Variants in LMNTD1 observed in about 807,000 individuals in gnomAD.
LMNTD1 encodes the protein lamin tail domain-containing protein 1.
A neutral mutation model predicts 50.9 loss-of-function variants in LMNTD1; 35 were observed. The observed-to-expected ratio is 0.69, with a 90% confidence interval of 0.53 to 0.91. The LOEUF is 0.91. LMNTD1 is among the 40% of genes least tolerant of loss of function. The probability of loss-of-function intolerance (pLI) is 0.00; values close to 1 mark genes in which losing one functional copy is unlikely to be tolerated. For missense variants in LMNTD1, 470 were observed against 475.5 expected, an observed-to-expected ratio of 0.99 and a Z score of 0.11; for synonymous variants, 153 against 161.9, an observed-to-expected ratio of 0.94 and a Z score of 0.42.
chr12:25,584,858 GA>G (rs935958829), intron 1 of LMNTD1, among the ~76,000 whole-genome samples: 19 of 152,146 alleles, frequency 1.2e-4, no homozygotes, highest in African/African-American at 4.6e-4. Context: ...TTCCATGGCT[GA>G]AAAATACAAA....
intron 1 of LMNTD1, among the ~76,000 whole-genome samples, chr12:25,594,716 T>C (rs1435828009): frequency 2.2e-5 from 3 of 139,220 alleles, no homozygotes; most frequent in Non-Finnish European, 4.6e-5. Flanking sequence ...GTGAATGGAA[T>C]GGCACCTCAC....
intron 9 of LMNTD1, among the ~76,000 whole-genome samples, chr12:25,477,129 T>G (rs1938295396): frequency 6.6e-6 from 1 of 152,222 alleles, no homozygotes; most frequent in Non-Finnish European, 1.5e-5. Context: ...ATGAACGTTT[T>G]TCTGAGAGGA....
intron 6 of LMNTD1, among the ~76,000 whole-genome samples, chr12:25,521,136 A>T (rs1470668304): frequency 2.1e-5 from 2 of 96,264 alleles, no homozygotes; most frequent in African/African-American, 5.7e-5. Flanking sequence ...GAGGTTTGCA[A>T]ACTTTTTTTT....
In LMNTD1 at chr12:25,519,858, C is replaced by G. The variant is rs1377961281; in HGVS notation, c.1016G>C (p.Arg339Thr). ...QVEQAQVLLK[R>T]EKEIPPTVFP... ...AACAAACAAACCAAACAACCCTTAC[C>G]TCTTAAGAAGAACTTGAGCTTGTTC... The change falls in exon 7 of 10, where the codon AGA becomes ACA. Residue 339 changes from arginine to threonine, a missense_variant and splice_region_variant. By Grantham distance (71) the Arg-to-Thr change is moderately conservative (BLOSUM62 -1). Coordinates refer to ENST00000458174, the MANE Select transcript of LMNTD1 (RefSeq NM_001145728.2). 1.2e-6 allele frequency: 2 copies of G among 1,605,250 alleles called. No individual in the cohort carries two copies. The highest frequency in any genetic ancestry group is 1.1e-5 in the South Asian group (1 of 90,668).
chr12:25,617,449 G>T (rs903472964), intron 1 of LMNTD1, among the ~76,000 whole-genome samples: 10 of 152,240 alleles, frequency 6.6e-5, no homozygotes, highest in African/African-American at 2.4e-4. Flanking sequence ...CAAGTGGAGG[G>T]GTTGGCCTTT....
At chr12:25,549,076 A>G (rs1353027398) in intron 3 of LMNTD1, among the ~76,000 whole-genome samples, 3 of 152,010 alleles carry the variant, frequency 2.0e-5, no homozygotes, top group African/African-American at 4.8e-5. Flanking sequence ...ATGAACCATC[A>G]TGATAACTCA....
chr12:25,590,875 A>G (rs1761319125), intron 1 of LMNTD1, among the ~76,000 whole-genome samples: 1 of 152,166 alleles, frequency 6.6e-6, no homozygotes, highest in South Asian at 2.1e-4. Flanking sequence ...GGAAAAATTC[A>G]TCATTTGCTA....
At chr12:25,531,946 AT>A (rs139427585) in intron 4 of LMNTD1, among the ~76,000 whole-genome samples, 24 of 152,026 alleles carry the variant, frequency 1.6e-4, no homozygotes, top group Non-Finnish European at 2.2e-4. Context: ...CCGTTACTGG[AT>A]TTTTTTTACT....
At chr12:25,644,414 G>A (rs1447813345) in intron 1 of LMNTD1, among the ~76,000 whole-genome samples, 1 of 151,884 alleles carries the variant, frequency 6.6e-6, no homozygotes, top group Non-Finnish European at 1.5e-5. Context: ...AAGCCTAGGA[G>A]GTTGAGGCTG....
intron 1 of LMNTD1, among the ~76,000 whole-genome samples, chr12:25,636,877 G>GT (rs1271816169): frequency 1.3e-5 from 2 of 152,036 alleles, no homozygotes; most frequent in Non-Finnish European, 2.9e-5. Context: ...TTCTGGTGAA[G>GT]TAACTCAGGA....
At chr12:25,647,769 T>A (rs1293026113) in intron 1 of LMNTD1, among the ~76,000 whole-genome samples, 1 of 152,206 alleles carries the variant, frequency 6.6e-6, no homozygotes, top group Non-Finnish European at 1.5e-5. Context: ...ATTTATTTCA[T>A]CTGAAATCTT....
At chr12:25,609,342 T>G in intron 1 of LMNTD1, among the ~76,000 whole-genome samples, 1 of 152,180 alleles carries the variant, frequency 6.6e-6, no homozygotes, top group East Asian at 1.9e-4. Flanking sequence ...TCAAAGTCAT[T>G]CTCCGTCCAG....
intron 6 of LMNTD1, among the ~76,000 whole-genome samples, chr12:25,522,186 T>A (rs114363556): frequency 0.021 from 3,070 of 144,914 alleles, 79 homozygotes; most frequent in African/African-American, 0.059. Context: ...TTTTCATAGA[T>A]TATGGCAAAA....
At chr12:25,557,830 T>C (rs991945953), upstream of LMNTD1, among the ~76,000 whole-genome samples, 1 of 152,194 alleles carries the variant, frequency 6.6e-6, no homozygotes, top group Middle Eastern at 3.2e-3. Context: ...GATATAAATT[T>C]GCAGTTTCAT....
intron 8 of LMNTD1, among the ~76,000 whole-genome samples, chr12:25,517,944 G>C (rs1940933730): frequency 6.6e-6 from 1 of 152,052 alleles, no homozygotes; most frequent in South Asian, 2.1e-4. Context: ...CAGGCAAAGA[G>C]AAATGGAAGA....
intron 9 of LMNTD1, among the ~76,000 whole-genome samples, chr12:25,479,145 A>T (rs1320619390): frequency 6.6e-6 from 1 of 152,146 alleles, no homozygotes; most frequent in Non-Finnish European, 1.5e-5. Flanking sequence ...CTGTTGACTT[A>T]AAGGTAGGAG....
At chr12:25,511,032 A>G (rs1210325240) in intron 8 of LMNTD1, among the ~76,000 whole-genome samples, 1 of 152,212 alleles carries the variant, frequency 6.6e-6, no homozygotes, top group Non-Finnish European at 1.5e-5. Context: ...ATAGTGACAT[A>G]TAAGTGAAAC....
At position 25,595,368 on chromosome 12, in the gene LMNTD1, A is replaced by T. The variant is rs1945821003; in HGVS notation, c.59-48814T>A. 2.6e-5 allele frequency among the ~76,000 whole-genome samples: 4 copies of T among 152,330 alleles called. No homozygotes were observed. In the South Asian group the frequency reaches 8.3e-4, roughly 32 times the overall value. ...CAACAAATTTAAGAAAATTAAAATT[A>T]TATCAAGCACTCTCTCAGACCACAG... On this transcript the variant is annotated intron_variant, in intron 1 of 7. Transcript: ENST00000445693.
At chr12:25,554,576 C>T (rs1259812673), upstream of LMNTD1, among the ~76,000 whole-genome samples, 1 of 152,082 alleles carries the variant, frequency 6.6e-6, no homozygotes, top group Non-Finnish European at 1.5e-5. Context: ...CAAAGTGAAC[C>T]ATAGAGAGCA....
Sources: gnomAD v4.1 joint callset for allele counts (sites outside exome capture counted in the v4.1 genomes callset) on GRCh38, gnomAD v4.1.1 for gene constraint, MANE v1.5 for transcripts, NCBI Gene and HGNC (gene_info 2026-07-23, HGNC 2026-07-21) for gene names.